The following HMG20A variants were observed in gnomAD, a reference collection of about 807,000 sequenced individuals.
The protein encoded by HMG20A is high mobility group 20A, also known as high mobility group protein 20A.
A neutral mutation model predicts 43.9 loss-of-function variants in HMG20A; 17 were observed. The ratio of observed to expected loss-of-function variants is 0.39; its 90% CI spans 0.27 to 0.58. The LOEUF is 0.58. HMG20A is among the 20% of genes least tolerant of loss of function. The pLI, the probability that HMG20A is intolerant of heterozygous loss-of-function variation, is 0.59. For synonymous variants in HMG20A, 132 were observed against 147.5 expected, an observed-to-expected ratio of 0.89 and a Z score of 0.76; for missense variants, 341 against 438.2, an observed-to-expected ratio of 0.78 and a Z score of 1.98.
chr15:77,442,093 G>T (rs1197219412), intron 1 of HMG20A, among the ~76,000 whole-genome samples: 1 of 152,142 alleles, frequency 6.6e-6, no homozygotes, highest in African/African-American at 2.4e-5. Flanking sequence ...TACTTTTCCT[G>T]CCAGTGACAT....
At chr15:77,430,126 C>G (rs10519166) in intron 1 of HMG20A, among the ~76,000 whole-genome samples, 15,115 of 152,202 alleles carry the variant, frequency 0.099, 834 homozygotes, top group African/African-American at 0.11. Context: ...TTGGCACATA[C>G]AAAACCTACA....
chr15:77,450,420 A>G (rs2073723843), intron 1 of HMG20A, among the ~76,000 whole-genome samples: 1 of 152,218 alleles, frequency 6.6e-6, no homozygotes, highest in African/African-American at 2.4e-5. Context: ...AGGTAATTTT[A>G]TAGCAATGAT....
intron 1 of HMG20A, among the ~76,000 whole-genome samples, chr15:77,453,768 C>T (rs1449264772): frequency 6.6e-6 from 1 of 152,146 alleles, no homozygotes; most frequent in Non-Finnish European, 1.5e-5. Flanking sequence ...CTGATACACG[C>T]TACAATGTGA....
the HMG20A span, among the ~76,000 whole-genome samples, chr15:77,516,999 G>A: frequency 6.6e-6 from 1 of 152,178 alleles, no homozygotes. Context: ...TCCCGCACAT[G>A]TCAGTCCCTC....
intron 1 of HMG20A, among the ~76,000 whole-genome samples, chr15:77,421,275 A>G (rs969557655): frequency 5.3e-5 from 8 of 152,206 alleles, no homozygotes; most frequent in Admixed American, 1.3e-4. Flanking sequence ...GCTTGGTGCC[A>G]TTCGCGGAGA....
chr15:77,450,088 T>G (rs2073718879), intron 1 of HMG20A, among the ~76,000 whole-genome samples: 1 of 152,174 alleles, frequency 6.6e-6, no homozygotes, highest in African/African-American at 2.4e-5. Context: ...CAGAAGTGTT[T>G]CAGGTTTCAG....
intron 1 of HMG20A, among the ~76,000 whole-genome samples, chr15:77,433,968 CTT>C (rs1235068976): frequency 6.6e-6 from 1 of 152,154 alleles, no homozygotes; most frequent in Non-Finnish European, 1.5e-5. Context: ...AGTTGTAAGA[CTT>C]TATCAGATAA....
the HMG20A span, among the ~76,000 whole-genome samples, chr15:77,499,541 A>G: frequency 6.6e-6 from 1 of 151,758 alleles, no homozygotes; most frequent in African/African-American, 2.4e-5. Context: ...CCCCACACAC[A>G]CACACAGAGC....
chr15:77,488,124 A>G (rs780425937), downstream of HMG20A, among the ~76,000 whole-genome samples: 1 of 152,180 alleles, frequency 6.6e-6, no homozygotes, highest in Non-Finnish European at 1.5e-5. Flanking sequence ...AGATAGAAGG[A>G]TTTTTATAAA....
intron 5 of HMG20A, 25 bp downstream of exon 5, chr15:77,471,067 T>C: frequency 1.2e-6 from 2 of 1,601,990 alleles, no homozygotes; most frequent in Non-Finnish European, 1.7e-6. Context: ...ACCAAATGTA[T>C]TTGTAGTTTG....
downstream of HMG20A, among the ~76,000 whole-genome samples, chr15:77,487,749 A>T (rs915994355): frequency 1.4e-4 from 22 of 152,190 alleles, no homozygotes; most frequent in African/African-American, 5.1e-4. Flanking sequence ...CTCTGAAAGA[A>T]TTTCCTGCCT....
downstream of HMG20A, among the ~76,000 whole-genome samples, chr15:77,486,409 C>T (rs1459297960): frequency 7.9e-5 from 12 of 151,972 alleles, no homozygotes; most frequent in South Asian, 1.2e-3. Flanking sequence ...TACAGGTGCA[C>T]GCCACCATGC....
chr15:77,466,407 C>A (rs2072757314), intron 3 of HMG20A, among the ~76,000 whole-genome samples: 1 of 151,996 alleles, frequency 6.6e-6, no homozygotes, highest in Non-Finnish European at 1.5e-5. Context: ...ATAAAATGTA[C>A]ATCTAAAGGA....
chr15:77,435,430 C>T (rs114084370), intron 1 of HMG20A, among the ~76,000 whole-genome samples: 3,043 of 152,138 alleles, frequency 0.02, 102 homozygotes, highest in African/African-American at 0.068. Context: ...ACTACAGATG[C>T]GTGCCACCAT....
At chr15:77,510,691 C>T in the HMG20A span, among the ~76,000 whole-genome samples, 1 of 152,178 alleles carries the variant, frequency 6.6e-6, no homozygotes, top group South Asian at 2.1e-4. Flanking sequence ...CAGCAGCTGC[C>T]AGCAGCTCCG....
chr15:77,504,429 G>A, the HMG20A span, among the ~76,000 whole-genome samples: 5 of 152,254 alleles, frequency 3.3e-5, no homozygotes, highest in Non-Finnish European at 5.9e-5. Context: ...CTGGCTCAGG[G>A]CCCATTTCTG....
the HMG20A span, among the ~76,000 whole-genome samples, chr15:77,504,529 G>A: frequency 2.6e-5 from 4 of 152,378 alleles, no homozygotes; most frequent in East Asian, 7.7e-4. Flanking sequence ...AAGAGAAGCA[G>A]GTGCTCCCCG....
At chr15:77,459,068 A>G (rs1056445408) in intron 2 of HMG20A, among the ~76,000 whole-genome samples, 8 of 152,264 alleles carry the variant, frequency 5.3e-5, no homozygotes, top group Non-Finnish European at 1.0e-4. Context: ...CTAGATGTTT[A>G]GAAGTTATTT....
At chr15:77,482,050 G>A (rs950626194) in intron 9 of HMG20A, 7 of 152,154 alleles carry the variant, frequency 4.6e-5, no homozygotes, top group African/African-American at 1.7e-4. Flanking sequence ...ATCCCAGAGA[G>A]GAGAAACATC....
Sources: gnomAD v4.1 joint callset for allele counts (sites outside exome capture counted in the v4.1 genomes callset) on GRCh38, gnomAD v4.1.1 for gene constraint, MANE v1.5 for transcripts, NCBI Gene and HGNC (gene_info 2026-07-23, HGNC 2026-07-21) for gene names.